ATP7B: variants seen among roughly 807,000 people sequenced by gnomAD.
ATP7B encodes the protein copper-transporting ATPase 2.
Under a neutral mutation model 118.9 loss-of-function variants are expected in ATP7B, and 113 were observed. The ratio of observed to expected loss-of-function variants is 0.95; its 90% CI spans 0.82 to 1.11. The LOEUF is 1.11. Ranked by LOEUF, ATP7B falls within the 50% of genes most tolerant of loss-of-function variation. ATP7B has a pLI of 0.00. For synonymous variants in ATP7B, 777 were observed against 727.4 expected (o/e 1.07, Z -1.10); for missense variants, 1,867 against 1,871.4 (o/e 1.00, Z 0.04).
intron 1 of ATP7B, among the ~76,000 whole-genome samples, chr13:51,998,405 T>G (rs1034229356): frequency 6.6e-6 from 1 of 152,230 alleles, no homozygotes; most frequent in Admixed American, 6.5e-5. Context: ...TTTAAGCAGT[T>G]AAATATTTAC....
At chr13:51,978,867 C>T (rs1952258037) in intron 1 of ATP7B, 1 of 152,210 alleles carries the variant, frequency 6.6e-6, no homozygotes. Flanking sequence ...TGTCTCTTCT[C>T]CACATAGCAC....
At chr13:52,011,452 G>A (rs1258675855), upstream of ATP7B, 16 of 1,379,944 alleles carry the variant, frequency 1.2e-5, no homozygotes, top group Non-Finnish European at 1.4e-5. Flanking sequence ...GAGTGTGAGG[G>A]CATCGGCGCG....
Position 51,934,733 on chromosome 13 carries a change from C to T in ATP7B, c.*23G>A. The T allele has an allele frequency of 6.2e-7, 1 of 1,611,708 alleles. No homozygotes were observed. Among genetic ancestry groups the T allele is most frequent in the South Asian group, 1.1e-5 (1 of 90,992 alleles). ...GTGGTGAGTGGAGGCAAGTCCCTGC[C>T]CCGGCCCGCCTGCCTGAAGTCATCA... On this transcript the variant is annotated 3_prime_UTR_variant, in exon 21 of 21. Transcript: ENST00000242839.
At chr13:51,988,145 T>C (rs1388157479) in intron 1 of ATP7B, among the ~76,000 whole-genome samples, 3 of 152,094 alleles carry the variant, frequency 2.0e-5, no homozygotes, top group Non-Finnish European at 2.9e-5. Context: ...GAGAAAATTT[T>C]TGCAATCTAT....
Position 51,957,504 on chromosome 13 carries a change from AC to A in ATP7B, c.2447+11del, listed in dbSNP as rs1566528737. ...ATACCAACCACAAAGACATTTGATAACCATAACTCACCTGATGATTAAATTG... is the reference window on the plus strand; with the variant it reads ...ATACCAACCACAAAGACATTTGATAACATAACTCACCTGATGATTAAATTG... On this transcript the variant is annotated intron_variant, in intron 9 of 20. Transcript: ENST00000242839. 6 of 1,610,562 alleles carry A rather than the reference AC, an allele frequency of 3.7e-6. No homozygotes were observed. The South Asian group carries it at 6.6e-5, about 18-fold the overall frequency.
At chr13:51,938,170 GCCGTGCTACT>G (rs1414912783) in intron 17 of ATP7B, among the ~76,000 whole-genome samples, 1 of 152,120 alleles carries the variant, frequency 6.6e-6, no homozygotes, top group East Asian at 1.9e-4. Flanking sequence ...TCTCCAAACC[GCCGTGCTACT>G]CTGTGCCCCT....
At chr13:51,956,600 G>A (rs150133380) in intron 9 of ATP7B, among the ~76,000 whole-genome samples, 2,749 of 152,262 alleles carry the variant, frequency 0.018, 36 homozygotes, top group Non-Finnish European at 0.027. Context: ...AGCTGTGTAG[G>A]CTGAGGGACA....
intron 1 of ATP7B, among the ~76,000 whole-genome samples, chr13:52,004,058 G>A (rs949213230): frequency 6.6e-6 from 1 of 152,090 alleles, no homozygotes; most frequent in Non-Finnish European, 1.5e-5. Flanking sequence ...AGGAGTTCAA[G>A]ACCAGCCTGG....
At chr13:52,001,671 CCTGT>C (rs1334835773) in intron 1 of ATP7B, among the ~76,000 whole-genome samples, 1 of 152,178 alleles carries the variant, frequency 6.6e-6, no homozygotes, top group Admixed American at 6.5e-5. Flanking sequence ...ATCATCCTTC[CCTGT>C]CTTATTTTTC....
Position 51,939,509 on chromosome 13 carries a change from T to C in ATP7B, c.3557-316A>G, listed in dbSNP as rs11841731. Among the ~76,000 whole-genome samples, 564 of 152,350 alleles carry C rather than the reference T, an allele frequency of 3.7e-3. 2 individuals carry two copies. Among genetic ancestry groups the C allele is most frequent in the African/African-American group, 0.013 (522 of 41,586 alleles). On this transcript the variant is annotated intron_variant, in intron 16 of 20. Coordinates refer to ENST00000242839, the MANE Select transcript of ATP7B (RefSeq NM_000053.4). Reference sequence around the variant, plus strand: ...CACGTATGACACTTTGCGAAGTGCCTGGCTTGTAATAAGAATTCAATACAC... The same window carrying C: ...CACGTATGACACTTTGCGAAGTGCCCGGCTTGTAATAAGAATTCAATACAC...
intron 1 of ATP7B, among the ~76,000 whole-genome samples, chr13:51,980,831 C>T (rs1053031407): frequency 6.6e-6 from 1 of 152,146 alleles, no homozygotes; most frequent in African/African-American, 2.4e-5. Flanking sequence ...ATGTATAACA[C>T]CCATAACAAC....
chr13:51,938,465 A>C (rs2138635394), intron 17 of ATP7B, among the ~76,000 whole-genome samples: 1 of 152,358 alleles, frequency 6.6e-6, no homozygotes, highest in Admixed American at 6.5e-5. Context: ...AGCAAGGAGG[A>C]CCATGGAAAA....
chr13:51,942,531 T>C lies in ATP7B; in HGVS notation c.3267A>G (p.Gly1089=). Residue 1089 remains glycine, a synonymous_variant, in exon 15 of 21, where the codon GGA becomes GGG. Coordinates refer to ENST00000242839, the MANE Select transcript of ATP7B (RefSeq NM_000053.4). ...CKEELGTETL[G]YCTDFQAVPG... ...GCACTGCCTGGAAGTCCGTGCAGTA[T>C]CCCAAGGTCTCTGTTCCAAGTTCCT... 1 of 1,614,066 alleles carries C rather than the reference T, an allele frequency of 6.2e-7. No individual in the cohort carries two copies. The highest frequency in any genetic ancestry group is 8.5e-7 in the Non-Finnish European group (1 of 1,180,026).
chr13:51,963,330 A>G (rs1958872602), intron 5 of ATP7B, among the ~76,000 whole-genome samples: 2 of 152,190 alleles, frequency 1.3e-5, no homozygotes, highest in South Asian at 4.1e-4. Flanking sequence ...TATTGTGAGT[A>G]AAGTTACTTA....
At chr13:51,961,741 G>A in intron 6 of ATP7B, 96 bp downstream of exon 6, 1 of 1,176,924 alleles carries the variant, frequency 8.5e-7, no homozygotes, top group Non-Finnish European at 1.3e-6. Flanking sequence ...CAGGAGGAAG[G>A]CACCATGGGA....
chr13:51,953,934 C>G (rs1245143192), intron 9 of ATP7B, among the ~76,000 whole-genome samples: 2 of 147,902 alleles, frequency 1.4e-5, no homozygotes, highest in African/African-American at 2.5e-5. Flanking sequence ...CAAGCACACA[C>G]ATGCATGTGT....
intron 1 of ATP7B, among the ~76,000 whole-genome samples, chr13:51,993,079 T>C (rs552819822): frequency 2.0e-5 from 3 of 150,104 alleles, no homozygotes; most frequent in Non-Finnish European, 3.0e-5. Flanking sequence ...AAGTATAAGA[T>C]AGTATGTATA....
At chr13:51,941,577 T>C (rs1957337082) in intron 15 of ATP7B, among the ~76,000 whole-genome samples, 1 of 152,230 alleles carries the variant, frequency 6.6e-6, no homozygotes, top group African/African-American at 2.4e-5. Context: ...ACAAAGCAAG[T>C]GTTGACTACA....
At chr13:51,986,593 C>T (rs936625741) in intron 1 of ATP7B, among the ~76,000 whole-genome samples, 2 of 152,186 alleles carry the variant, frequency 1.3e-5, no homozygotes, top group Non-Finnish European at 2.9e-5. Context: ...GACACCAAAA[C>T]CTTGCAGAGA....
Sources: allele counts gnomAD v4.1 joint callset (sites outside exome capture counted in the v4.1 genomes callset), GRCh38; gene constraint gnomAD v4.1.1; transcripts MANE v1.5; gene names NCBI Gene and HGNC (gene_info 2026-07-23, HGNC 2026-07-21).